The following SPON1 variants were observed in gnomAD, a reference collection of about 807,000 sequenced individuals.
SPON1 encodes spondin 1, also known as spondin-1.
SPON1 carries 52 observed loss-of-function variants against 111.7 expected under a neutral mutation model. The observed-to-expected ratio is 0.47, with a 90% confidence interval of 0.37 to 0.59. SPON1 has a LOEUF of 0.59. Ranked by LOEUF, SPON1 falls within the 20% of genes least tolerant of loss-of-function variation. SPON1 has a pLI of 0.00. For missense variants in SPON1, 957 were observed against 1,068.5 expected, an observed-to-expected ratio of 0.90 and a Z score of 1.46; for synonymous variants, 410 against 395.8, an observed-to-expected ratio of 1.04 and a Z score of -0.43.
At chr11:14,090,055 C>G (rs1849037230) in intron 5 of SPON1, among the ~76,000 whole-genome samples, 2 of 152,178 alleles carry the variant, frequency 1.3e-5, no homozygotes, top group Middle Eastern at 3.2e-3. Context: ...GTAAGAATTT[C>G]AAGCCAGTGG....
At chr11:14,192,008 T>C (rs1470839122) in intron 6 of SPON1, among the ~76,000 whole-genome samples, 1 of 152,080 alleles carries the variant, frequency 6.6e-6, no homozygotes, top group Non-Finnish European at 1.5e-5. Flanking sequence ...GTAAGAATGA[T>C]CAACCAAAAG....
chr11:14,033,566 A>G (rs1848573914), intron 2 of SPON1, among the ~76,000 whole-genome samples: 1 of 152,204 alleles, frequency 6.6e-6, no homozygotes, highest in Admixed American at 6.5e-5. Flanking sequence ...AAATAGGCTG[A>G]GGGAAGAGTA....
At chr11:14,154,363 T>A (rs1847818618) in intron 6 of SPON1, among the ~76,000 whole-genome samples, 1 of 152,240 alleles carries the variant, frequency 6.6e-6, no homozygotes. Context: ...TTTTGCCACC[T>A]GCACACTCAC....
At chr11:14,160,586 CAT>C (rs373243915) in intron 6 of SPON1, among the ~76,000 whole-genome samples, 1,771 of 8,638 alleles carry the variant, frequency 0.21, 366 homozygotes, top group Non-Finnish European at 0.27. Flanking sequence ...TATATATTTA[CAT>C]ATATATATTT....
intron 4 of SPON1, among the ~76,000 whole-genome samples, chr11:14,079,631 C>G (rs1350341071): frequency 1.3e-5 from 2 of 152,002 alleles, no homozygotes; most frequent in African/African-American, 4.8e-5. Flanking sequence ...CTTAAATATT[C>G]TCGAATAGCC....
intron 6 of SPON1, among the ~76,000 whole-genome samples, chr11:14,167,483 TCCCTGCCATTTA>T (rs1848043774): frequency 6.9e-6 from 1 of 144,838 alleles, no homozygotes; most frequent in African/African-American, 2.6e-5. Context: ...CCCCTTTTTT[TCCCTGCCATTTA>T]CCCAAAGGAG....
intron 3 of SPON1, 111 bp from the exon 4 acceptor site, chr11:14,075,233 TG>T (rs1203615705): frequency 8.3e-6 from 6 of 722,616 alleles, no homozygotes; most frequent in African/African-American, 3.5e-5. Flanking sequence ...CAGAGAGAGT[TG>T]GGGTGACTCA....
Position 13,993,191 on chromosome 11 carries a change from A to C in SPON1, c.345+10238A>C, listed in dbSNP as rs545965232. Among the ~76,000 whole-genome samples, 69 of 152,080 alleles carry C rather than the reference A, an allele frequency of 4.5e-4. 1 individual carries two copies. The highest frequency in any genetic ancestry group is 1.4e-3 in the African/African-American group (58 of 41,484). On this transcript the variant is annotated intron_variant, in intron 2 of 15. Coordinates refer to ENST00000576479, the MANE Select transcript of SPON1 (RefSeq NM_006108.4). ...GCTGTCTTTGCACCTCCCTAGACTT[A>C]GTGGCGAGGGAATGGGCTTCCTAGT...
Position 14,255,790 on chromosome 11 carries a change from A to G in SPON1, c.1233+3A>G. 1 of 1,613,686 alleles carries G rather than the reference A, an allele frequency of 6.2e-7. No homozygotes were observed. The highest frequency in any genetic ancestry group is 8.5e-7 in the Non-Finnish European group (1 of 1,179,796). The stretch of plus-strand genomic sequence containing the variant: ...TCATCGAGAGAATCGCACGGAAGGT[A>G]CTGGGTTAGAACCCACTCTGGCATC... On this transcript the variant is annotated splice_donor_region_variant and intron_variant, in intron 9 of 15. Coordinates refer to ENST00000576479, the MANE Select transcript of SPON1 (RefSeq NM_006108.4).
intron 3 of SPON1, among the ~76,000 whole-genome samples, chr11:14,046,904 T>A (rs562679212): frequency 6.6e-6 from 1 of 152,346 alleles, no homozygotes; most frequent in South Asian, 2.1e-4. Context: ...TCATTTAGAT[T>A]GCACATTCTT....
chr11:14,024,715 C>T (rs1445764997), intron 2 of SPON1, among the ~76,000 whole-genome samples: 2 of 152,154 alleles, frequency 1.3e-5, no homozygotes, highest in East Asian at 3.9e-4. Flanking sequence ...AACAAGAGTG[C>T]CTGTTCTCTC....
At position 14,122,409 on chromosome 11, in the gene SPON1, G is replaced by A. The variant is rs188422692; in HGVS notation, c.677-13011G>A. ...AGGATGGTCTTGATCTCCTGACCTCGTGATCTGCCCGCCTCAGCCTCCCAA... is the reference window on the plus strand; with the variant it reads ...AGGATGGTCTTGATCTCCTGACCTCATGATCTGCCCGCCTCAGCCTCCCAA... On this transcript the variant is annotated intron_variant, in intron 5 of 15. Transcript: ENST00000576479. Among the ~76,000 whole-genome samples the A allele has an allele frequency of 2.6e-3, 399 of 152,222 alleles. 2 individuals carry two copies. The highest frequency in any genetic ancestry group is 8.6e-3 in the African/African-American group (358 of 41,532).
At chr11:14,009,914 C>T (rs964750173) in intron 2 of SPON1, among the ~76,000 whole-genome samples, 33 of 152,210 alleles carry the variant, frequency 2.2e-4, no homozygotes, top group Admixed American at 6.5e-5. Context: ...AATACTATCA[C>T]ATTGGCTATT....
At chr11:14,162,595 C>G (rs1847979210) in intron 6 of SPON1, among the ~76,000 whole-genome samples, 1 of 152,192 alleles carries the variant, frequency 6.6e-6, no homozygotes, top group African/African-American at 2.4e-5. Flanking sequence ...AGATATCTTG[C>G]TCTCACCTAA....
intron 3 of SPON1, among the ~76,000 whole-genome samples, chr11:14,057,995 G>T (rs1554919440): frequency 1.3e-5 from 2 of 151,942 alleles, no homozygotes; most frequent in Non-Finnish European, 1.5e-5. Context: ...CCAGTCTGGG[G>T]GACAGAGTGA....
chr11:13,990,068 G>C (rs1156844158), intron 2 of SPON1, among the ~76,000 whole-genome samples: 1 of 152,124 alleles, frequency 6.6e-6, no homozygotes, highest in Non-Finnish European at 1.5e-5. Context: ...AGGTCTGCTT[G>C]GTTCAGAGCT....
chr11:14,179,953 T>C (rs1591401750), intron 6 of SPON1, among the ~76,000 whole-genome samples: 1 of 152,346 alleles, frequency 6.6e-6, no homozygotes, highest in East Asian at 1.9e-4. Flanking sequence ...CTCTTCGTCC[T>C]CACTGCTAAC....
chr11:13,998,761 T>A lies in SPON1; in HGVS notation c.345+15808T>A, dbSNP rs148065927. The stretch of plus-strand genomic sequence containing the variant: ...TATCTGCTGCTGGAATTGCTGGCCT[T>A]ACCCACTTGTTTGCAAACGTTAATT... On this transcript the variant is annotated intron_variant, in intron 2 of 15. Coordinates refer to ENST00000576479, the MANE Select transcript of SPON1 (RefSeq NM_006108.4). Among the ~76,000 whole-genome samples the A allele has an allele frequency of 6.0e-3, 916 of 152,352 alleles. 7 individuals carry two copies. Among genetic ancestry groups the A allele is most frequent in the African/African-American group, 0.021 (876 of 41,594 alleles).
chr11:14,222,364 G>A (rs2133907352), intron 6 of SPON1, among the ~76,000 whole-genome samples: 1 of 152,312 alleles, frequency 6.6e-6, no homozygotes, highest in East Asian at 1.9e-4. Flanking sequence ...ATCTTCTTGA[G>A]CTGTCTTGAT....
Sources: allele counts gnomAD v4.1 joint callset (sites outside exome capture counted in the v4.1 genomes callset), GRCh38; gene constraint gnomAD v4.1.1; transcripts MANE v1.5; gene names NCBI Gene and HGNC (gene_info 2026-07-23, HGNC 2026-07-21).